NPAS1: variants seen among roughly 807,000 people sequenced by gnomAD.
NPAS1 encodes neuronal PAS domain-containing protein 1.
Under a neutral mutation model 49.2 loss-of-function variants are expected in NPAS1, and 29 were observed. The observed-to-expected ratio is 0.59, with a 90% CI of 0.44 to 0.80. NPAS1 has a LOEUF of 0.80. NPAS1 is among the 30% of genes least tolerant of loss of function. The probability of loss-of-function intolerance (pLI) is 0.00; values close to 1 mark genes in which losing one functional copy is unlikely to be tolerated. For synonymous variants in NPAS1, 408 were observed against 380.4 expected, an observed-to-expected ratio of 1.07 and a Z score of -0.84; for missense variants, 825 against 835.5, an observed-to-expected ratio of 0.99 and a Z score of 0.15.
At position 47,021,047 on chromosome 19, in the gene NPAS1, G is replaced by A. The variant is rs1599889540; in HGVS notation, c.-1G>A. The A allele has an allele frequency of 6.2e-7, 1 of 1,603,080 alleles. No individual in the cohort carries two copies. The highest frequency in any genetic ancestry group is 2.3e-5 in the East Asian group (1 of 44,160). ...AGCCCGCCTGAGCGAGCCCCCCGGAGATGGCGGCCCCCTATCCCGGCAGTG... is the reference window on the plus strand; with the variant it reads ...AGCCCGCCTGAGCGAGCCCCCCGGAAATGGCGGCCCCCTATCCCGGCAGTG... On this transcript the variant is annotated 5_prime_UTR_variant, in exon 2 of 12. Transcript: ENST00000602212. The surrounding 1 kb of genome is among the most constrained non-coding windows in gnomAD (Gnocchi z 5.7).
chr19:47,032,616 C>T, intron 4 of NPAS1, 27 bp from the exon 5 acceptor site: 1 of 1,601,188 alleles, frequency 6.2e-7, no homozygotes, highest in Non-Finnish European at 8.6e-7. Context: ...TCCTCTCCTT[C>T]CCCCTCCCTG....
intron 10 of NPAS1, 128 bp from the exon 11 acceptor site, chr19:47,042,682 G>A: frequency 1.6e-6 from 1 of 635,442 alleles, no homozygotes; most frequent in East Asian, 3.4e-5. Context: ...CCTTGTAAGT[G>A]CCTCAGGGTG....
intron 3 of NPAS1, among the ~76,000 whole-genome samples, chr19:47,022,092 G>A (rs2056846008): frequency 6.6e-6 from 1 of 152,218 alleles, no homozygotes; most frequent in Non-Finnish European, 1.5e-5. Context: ...AGTTCTAGTG[G>A]TCACTGGTAA....
At chr19:47,025,312 C>G in intron 3 of NPAS1, among the ~76,000 whole-genome samples, 1 of 134,672 alleles carries the variant, frequency 7.4e-6, no homozygotes. Flanking sequence ...GAGTTTTGCT[C>G]TTGTTGCCCA....
In NPAS1 at chr19:47,039,425, C is replaced by T. The variant is rs138576995; in HGVS notation, c.823C>T (p.Arg275Cys). ...SGYKVIHVTG[R>C]LRAHALGLVA... is the part of the protein sequence containing the mutation. ...CCAGCAGGTCATCCACGTGACTGGG[C>T]GCCTTCGGGCCCACGCCCTGGGCCT... The change falls in exon 8 of 12, where the codon CGC (arginine) becomes TGC (cysteine). Residue 275 changes from arginine to cysteine, a missense_variant. By Grantham distance (180) the Arg-to-Cys change is radical. Coordinates refer to ENST00000602212, the MANE Select transcript of NPAS1 (RefSeq NM_002517.4). 1.2e-5 allele frequency: 19 copies of T among 1,611,710 alleles called. No homozygotes were observed. Among genetic ancestry groups the T allele is most frequent in the South Asian group, 6.6e-5 (6 of 90,952 alleles).
intron 9 of NPAS1, 96 bp from the exon 10 acceptor site, chr19:47,040,882 C>T: frequency 9.4e-7 from 1 of 1,067,042 alleles, no homozygotes; most frequent in Admixed American, 3.0e-5. Context: ...CACTCCCCTG[C>T]TCTCACTCCT....
chr19:47,021,525 A>G lies in NPAS1; in HGVS notation c.123-87A>G. The G allele has an allele frequency of 1.1e-6, 1 of 891,798 alleles. No individual in the cohort carries two copies. 55.2% of individuals were successfully genotyped at this position (891,798 alleles called of 1,614,324 possible). A position where few individuals can be genotyped will look rare whatever the true frequency, so the allele number is the denominator to read the frequency against. ...CTCCCAACGTCCCGTCCCGTTCCCA[A>G]GGCCCCGGGAGGCGGGGCTCGCCCC... On this transcript the variant is annotated intron_variant, in intron 2 of 11. Coordinates refer to ENST00000602212, the MANE Select transcript of NPAS1 (RefSeq NM_002517.4). The surrounding 1 kb of genome is among the most constrained non-coding windows in gnomAD (Gnocchi z 5.7).
chr19:47,020,892 AG>A (rs1400470211), intron 1 of NPAS1, 113 bp from the exon 2 acceptor site: 29 of 393,838 alleles, frequency 7.4e-5, no homozygotes, highest in African/African-American at 6.5e-4. Context: ...GGCATCATCC[AG>A]GCCCCCCCCC....
chr19:47,045,403 C>G lies in NPAS1; in HGVS notation c.1525C>G (p.Arg509Gly). 2 of 1,611,750 alleles carry G rather than the reference C, an allele frequency of 1.2e-6. No individual in the cohort carries two copies. The highest frequency in any genetic ancestry group is 1.1e-5 in the South Asian group (1 of 90,972). Residue 509 changes from arginine (R) to glycine (G), a missense_variant, in exon 12 of 12, where the codon CGG (arginine) becomes GGG (glycine). By Grantham distance (125) the Arg-to-Gly change is moderately radical. Transcript: ENST00000602212. ...RAGVLKQDPV[R>G]PWGLAPPGDP... ...AGGGGTCCTGAAGCAGGATCCGGTG[C>G]GGCCATGGGGCCTGGCGCCTCCCGG...
intron 6 of NPAS1, among the ~76,000 whole-genome samples, chr19:47,038,353 C>T (rs1395604116): frequency 6.6e-6 from 1 of 150,806 alleles, no homozygotes; most frequent in African/African-American, 2.4e-5. Context: ...CCCGTCTCTA[C>T]TAAAAATACA....
At chr19:47,042,273 C>T (rs891934036) in intron 10 of NPAS1, among the ~76,000 whole-genome samples, 1 of 151,984 alleles carries the variant, frequency 6.6e-6, no homozygotes, top group Non-Finnish European at 1.5e-5. Context: ...CATGCCACTG[C>T]ACTCCAGCCT....
intron 11 of NPAS1, among the ~76,000 whole-genome samples, chr19:47,043,278 C>A (rs370938279): frequency 9.7e-4 from 57 of 58,576 alleles, no homozygotes; most frequent in South Asian, 4.5e-3. Context: ...GACTCTGTCT[C>A]AAAAAAAAAA....
chr19:47,039,318 G>A lies in NPAS1; in HGVS notation c.805-89G>A, dbSNP rs554753209. On this transcript the variant is annotated intron_variant, in intron 7 of 11. Coordinates refer to ENST00000602212, the MANE Select transcript of NPAS1 (RefSeq NM_002517.4). ...CAGTGTCCAGTCCTCCAGCACCTGT[G>A]GGGGACAGAGGGAACCCAGCCCAGT... 5 of 1,559,826 alleles carry A rather than the reference G, an allele frequency of 3.2e-6. No homozygotes were observed. In the Admixed American group the frequency reaches 5.3e-5, roughly 16 times the overall value.
At chr19:47,023,086 T>C (rs1419297090) in intron 3 of NPAS1, among the ~76,000 whole-genome samples, 1 of 152,332 alleles carries the variant, frequency 6.6e-6, no homozygotes, top group South Asian at 2.1e-4. Context: ...GAAAATAGCA[T>C]TGATTAAGCT....
rs755908177 is a variant in NPAS1 at position 47,032,300 on chromosome 19, A to C, written c.381A>C (p.Ala127=). Residue 127 remains alanine (A), a synonymous_variant, in exon 4 of 12, where the codon GCA becomes GCC. Coordinates refer to ENST00000602212, the MANE Select transcript of NPAS1 (RefSeq NM_002517.4). ...AGLAPGRRGP[A]ALVSEVFEQH... is the part of the protein sequence containing the mutation. The stretch of plus-strand genomic sequence containing the variant: ...CAGCCCCAGGCCGCCGCGGCCCCGC[A>C]GCGCTGGTCTCCGAAGTCTTCGAGC... 1 of 1,613,942 alleles carries C rather than the reference A, an allele frequency of 6.2e-7. No homozygotes were observed. Among genetic ancestry groups the C allele is most frequent in the Non-Finnish European group, 8.5e-7 (1 of 1,179,980 alleles).
In NPAS1 at chr19:47,039,667, G is replaced by A. The variant is rs140831256; in HGVS notation, c.962+103G>A. The A allele has an allele frequency of 6.2e-3, 7,749 of 1,259,430 alleles. 31 individuals are homozygous for A. The highest frequency in any genetic ancestry group is 7.4e-3 in the Non-Finnish European group (6,769 of 915,690). The allele number at this position is 1,259,430 out of a possible 1,614,324, so 78.0% of individuals were successfully genotyped here. A position where few individuals can be genotyped will look rare whatever the true frequency, so the allele number is the denominator to read the frequency against. On this transcript the variant is annotated intron_variant, in intron 8 of 11. Coordinates refer to ENST00000602212, the MANE Select transcript of NPAS1 (RefSeq NM_002517.4). ...TGCTGGGTCTGCAGGATAGGGCACT[G>A]GGGAGCCATGGGAGGCGGAACAGCA... is the stretch of plus-strand genomic sequence containing the variant.
chr19:47,043,413 C>A (rs926738481), intron 11 of NPAS1, among the ~76,000 whole-genome samples: 2 of 151,388 alleles, frequency 1.3e-5, no homozygotes, highest in Non-Finnish European at 2.9e-5. Context: ...TAAGGTGAAA[C>A]CCCATCTCTA....
At position 47,040,746 on chromosome 19, in the gene NPAS1, G is replaced by GC; in HGVS notation, c.1069+196_1069+197insC. The GC allele has an allele frequency of 5.0e-6, 3 of 599,018 alleles. No individual in the cohort carries two copies. In the South Asian group the frequency reaches 6.2e-5, roughly 12 times the overall value. 37.1% of individuals were successfully genotyped at this position (599,018 alleles called of 1,614,324 possible). ...GCCTCAGGATGTGTGTGTGGGGGGG[G>GC]GGTCTGGGGGGCTGTGGGGTCTCCA... On this transcript the variant is annotated intron_variant, in intron 9 of 11. Transcript: ENST00000602212.
chr19:47,037,256 C>T (rs892098631), intron 6 of NPAS1, among the ~76,000 whole-genome samples: 4 of 135,216 alleles, frequency 3.0e-5, no homozygotes, highest in Non-Finnish European at 6.1e-5. Context: ...GATGCTGAGG[C>T]AGGAGAATCG....
Sources: gnomAD v4.1 joint callset for allele counts (sites outside exome capture counted in the v4.1 genomes callset) on GRCh38, gnomAD v4.1.1 for gene constraint, Gnocchi (gnomAD v3.1) non-coding constraint, MANE v1.5 for transcripts, NCBI Gene and HGNC (gene_info 2026-07-23, HGNC 2026-07-21) for gene names.